OBSL1: variants seen among roughly 807,000 people sequenced by gnomAD.
OBSL1 encodes the protein obscurin-like protein 1.
In OBSL1, 160 loss-of-function variants were observed where a neutral mutation model predicts 172.0. That is an observed-to-expected ratio of 0.93 (90% confidence interval 0.82 to 1.06). The LOEUF (loss-of-function observed/expected upper bound fraction) is 1.06. Ranked by LOEUF, OBSL1 falls within the 50% of genes least tolerant of loss-of-function variation. The pLI, the probability that OBSL1 is intolerant of heterozygous loss-of-function variation, is 0.00. For synonymous variants in OBSL1, 1,200 were observed against 1,196.3 expected (o/e 1.00, Z -0.06); for missense variants, 2,681 against 2,715.4 (o/e 0.99, Z 0.28).
chr2:219,558,293 G>C lies in OBSL1; in HGVS notation c.3393C>G (p.Ala1131=), dbSNP rs564050558. ...VEASDALQLG[A]EGPTRTLTLP... ...GGGTCAGGGTGCGGGTGGGCCCCTCGGCACCCAGCTGCAGGGCATCTGATG... is the reference window on the plus strand; with the variant it reads ...GGGTCAGGGTGCGGGTGGGCCCCTCCGCACCCAGCTGCAGGGCATCTGATG... Residue 1131 remains alanine, a synonymous_variant, in exon 10 of 21, where the codon GCC becomes GCG. Coordinates refer to ENST00000404537, the MANE Select transcript of OBSL1 (RefSeq NM_015311.3). The C allele has an allele frequency of 6.6e-5, 106 of 1,611,748 alleles. 1 individual carries two copies. In the South Asian group the frequency reaches 1.0e-3, roughly 15 times the overall value.
chr2:219,552,117 A>G lies in OBSL1; in HGVS notation c.5408T>C (p.Val1803Ala). 6.2e-7 allele frequency: 1 copy of G among 1,608,718 alleles called. No individual in the cohort carries two copies. Among genetic ancestry groups the G allele is most frequent in the Non-Finnish European group, 8.5e-7 (1 of 1,178,032 alleles). The change falls in exon 19 of 21, where the codon GTG (valine) becomes GCG (alanine). Residue 1803 changes from valine (V) to alanine (A), a missense_variant. Physicochemically the swap from Val to Ala is moderately conservative, Grantham distance 64 (BLOSUM62 0). Around this residue, in one of 5 missense-constraint regions of OBSL1, gnomAD observed 1,765 missense variants for 1,748.3 expected, o/e 1.01. Transcript: ENST00000404537. ...CTCCCACCCCAGGTGCTTACCCTCC[A>G]CTTCCAGTAGAGCCAGGGACTGGGC... is the stretch of plus-strand genomic sequence containing the variant. ...GPAQSLALLE[V>A]EALPLQMCRH...
chr2:219,552,269 G>A (rs1256395832), intron 18 of OBSL1, 53 bp from the exon 19 acceptor site: 1 of 1,503,824 alleles, frequency 6.6e-7, no homozygotes, highest in African/African-American at 1.4e-5. Flanking sequence ...AGGAGCGTTG[G>A]GGACGAAGGT....
chr2:219,552,619 A>C lies in OBSL1; in HGVS notation c.5225T>G (p.Val1742Gly). ...EGDGATFECT[V>G]SEVETTGRWE... ...GCGCCCCGTGGTCTCGACCTCCGAC[A>C]CGGTGCACTCGAACGTAGCGCCGTC... The change falls in exon 18 of 21, where the codon GTG (valine) becomes GGG (glycine). Residue 1742 changes from valine (V) to glycine (G), a missense_variant. By Grantham distance (109) the Val-to-Gly change is moderately radical (BLOSUM62 -3). Transcript: ENST00000404537. 6.4e-7 allele frequency: 1 copy of C among 1,572,022 alleles called. No homozygotes were observed. The highest frequency in any genetic ancestry group is 8.6e-7 in the Non-Finnish European group (1 of 1,165,166).
chr2:219,555,045 C>T (rs1016577359), intron 14 of OBSL1: 3 of 414,814 alleles, frequency 7.2e-6, no homozygotes, highest in African/African-American at 5.9e-5. Context: ...GTCAGACACA[C>T]TAGGAATGGA....
Position 219,552,700 on chromosome 2 carries a change from G to A in OBSL1, c.5147-3C>T, listed in dbSNP as rs1695720090. 1.3e-6 allele frequency: 2 copies of A among 1,521,862 alleles called. No individual in the cohort carries two copies. The highest frequency in any genetic ancestry group is 1.8e-6 in the Non-Finnish European group (2 of 1,134,422). The allele number at this position is 1,521,862 out of a possible 1,614,324, so 94.3% of individuals were successfully genotyped here. On this transcript the variant is annotated splice_region_variant and splice_polypyrimidine_tract_variant and intron_variant, in intron 17 of 20. Transcript: ENST00000404537. ...GGAGAGTACCGCCACAGTACGCTCT[G>A]GGGCGGAGCCCGGGGCGTGAGCGGG...
At position 219,568,472 on chromosome 2, in the gene OBSL1, A is replaced by T. The variant is rs1697098404; in HGVS notation, c.1013-148T>A. 2.5e-5 allele frequency: 20 copies of T among 787,072 alleles called. 2 individuals are homozygous for T. In the South Asian group the frequency reaches 3.7e-4, roughly 15 times the overall value. The allele number at this position is 787,072 out of a possible 1,614,324, so 48.8% of individuals were successfully genotyped here. A position where few individuals can be genotyped will look rare whatever the true frequency, so the allele number is the denominator to read the frequency against. On this transcript the variant is annotated intron_variant, in intron 1 of 20. Transcript: ENST00000404537. The surrounding 1 kb of genome is among the most constrained non-coding windows in gnomAD (Gnocchi z 4.1). ...GAATCACAGAAAACTACCAGAAGGG[A>T]AGTGGTGGTTCCTAAGATGACCTGA...
rs545958359 is a variant in OBSL1, at chr2:219,567,590, G to C, written c.1535-15C>G. Reference sequence around the variant, plus strand: ...GTGCTTGACACCTGAGACCAAGGCAGGGATGTGTTCCGGCCTTGCTTGGGC... The same window carrying C: ...GTGCTTGACACCTGAGACCAAGGCACGGATGTGTTCCGGCCTTGCTTGGGC... On this transcript the variant is annotated splice_polypyrimidine_tract_variant and intron_variant, in intron 3 of 20. Transcript: ENST00000404537. 4 of 1,604,218 alleles carry C rather than the reference G, an allele frequency of 2.5e-6. No individual in the cohort carries two copies. Among genetic ancestry groups the C allele is most frequent in the East Asian group, 4.5e-5 (2 of 44,588 alleles).
chr2:219,555,936 G>T (rs1381845674), intron 14 of OBSL1, 84 bp downstream of exon 14: 20 of 1,538,542 alleles, frequency 1.3e-5, no homozygotes, highest in Middle Eastern at 1.7e-4. Flanking sequence ...GGGCACTTTG[G>T]TGGGGGCCTG....
At chr2:219,570,129 T>C in intron 1 of OBSL1, 92 bp downstream of exon 1, 4 of 1,158,758 alleles carry the variant, frequency 3.5e-6, no homozygotes, top group South Asian at 1.9e-5. Context: ...CCTCCAGTCT[T>C]GGGGGCAGCG....
chr2:219,551,483 C>T (rs1695607311), intron 20 of OBSL1, 46 bp downstream of exon 20: 3 of 1,528,378 alleles, frequency 2.0e-6, no homozygotes, highest in South Asian at 2.5e-5. Context: ...CCATCAGCTC[C>T]CAGGCGCCCT....
At chr2:219,550,959 C>G (rs1043791552) in intron 20 of OBSL1, 117 bp from the exon 21 acceptor site, 7 of 1,538,778 alleles carry the variant, frequency 4.5e-6, no homozygotes, top group African/African-American at 2.7e-5. Context: ...TCTGCCCTAC[C>G]CTTTCTGGGC....
chr2:219,549,108 GGC>G (rs1395452013), downstream of OBSL1: 8 of 1,608,886 alleles, frequency 5.0e-6, no homozygotes, highest in Non-Finnish European at 6.8e-6. Flanking sequence ...AGGGAAACAA[GGC>G]GCACCGTCCT....
chr2:219,563,505 C>G lies in OBSL1; in HGVS notation c.2530G>C (p.Gly844Arg), dbSNP rs776431799. Residue 844 changes from glycine to arginine, a missense_variant, in exon 7 of 21, where the codon GGG becomes CGG. By Grantham distance (125) the Gly-to-Arg change is moderately radical. Around this residue, in one of 5 missense-constraint regions of OBSL1, gnomAD observed 1,765 missense variants for 1,748.3 expected, o/e 1.01. Transcript: ENST00000404537. Reference sequence around the variant, plus strand: ...AAGTCACTCTCCTCCACCTCCTGCCCGTCCTTGTACCAACGCACAGGGGCG... The same window carrying G: ...AAGTCACTCTCCTCCACCTCCTGCCGGTCCTTGTACCAACGCACAGGGGCG... ...EDAPVRWYKD[G>R]QEVEESDFVV... 1.5e-5 allele frequency: 24 copies of G among 1,613,836 alleles called. No individual in the cohort carries two copies. The highest frequency in any genetic ancestry group is 1.6e-5 in the Non-Finnish European group (19 of 1,179,878).
At position 219,556,728 on chromosome 2, in the gene OBSL1, G is replaced by T; in HGVS notation, c.4067-5C>A. The T allele has an allele frequency of 3.1e-6, 5 of 1,596,516 alleles. No individual in the cohort carries two copies. The highest frequency in any genetic ancestry group is 4.3e-6 in the Non-Finnish European group (5 of 1,167,202). Reference sequence around the variant, plus strand: ...CCAGCTTCACCAGCAGTGGCTCTAAGGGGCACGGTAAGGCAGTGAGCTGGG... The same window carrying T: ...CCAGCTTCACCAGCAGTGGCTCTAATGGGCACGGTAAGGCAGTGAGCTGGG... On this transcript the variant is annotated splice_polypyrimidine_tract_variant and splice_region_variant and intron_variant, in intron 12 of 20. Transcript: ENST00000404537.
chr2:219,569,976 G>T (rs1193641883), intron 1 of OBSL1, among the ~76,000 whole-genome samples: 1 of 152,246 alleles, frequency 6.6e-6, no homozygotes, highest in African/African-American at 2.4e-5. Context: ...TCACTCCTTA[G>T]TGGTGTTCCA....
intron 14 of OBSL1, 138 bp from the exon 15 acceptor site, chr2:219,554,878 G>T: frequency 1.0e-6 from 1 of 952,492 alleles, no homozygotes; most frequent in South Asian, 1.8e-5. Flanking sequence ...TCGGAACCAG[G>T]GTGCAGGAAG....
rs1214483288 is a variant in OBSL1 at position 219,567,828 on chromosome 2, C to A, written c.1424G>T (p.Ser475Ile). 6.2e-7 allele frequency: 1 copy of A among 1,613,980 alleles called. No homozygotes were observed. Among genetic ancestry groups the A allele is most frequent in the Non-Finnish European group, 8.5e-7 (1 of 1,179,898 alleles). Residue 475 changes from serine to isoleucine, a missense_variant, in exon 3 of 21, where the codon AGC (serine) becomes ATC (isoleucine). Ser to Ile is a moderately radical substitution (Grantham distance 142). This residue lies in a region of OBSL1 where 706 missense variants were observed against 695.8 expected (regional missense o/e 1.01). Transcript: ENST00000404537. Reference protein sequence around the residue: ...GEELPVICQSSSGHMHALVLP... With the variant: ...GEELPVICQSISGHMHALVLP... ...GACCAGGGCATGCATGTGGCCTGAG[C>A]TGCTCTGGCAGATGACCGGCAGCTC... is the stretch of plus-strand genomic sequence containing the variant.
intron 1 of OBSL1, chr2:219,569,475 T>C (rs993713549): frequency 4.6e-5 from 7 of 152,258 alleles, no homozygotes; most frequent in African/African-American, 1.7e-4. Flanking sequence ...TTTTTTTCCT[T>C]TGGAATTTTC....
In OBSL1 at chr2:219,556,679, C is replaced by T. The variant is rs1266662078; in HGVS notation, c.4111G>A (p.Val1371Ile). The change falls in exon 13 of 21, where the codon GTC becomes ATC. Residue 1371 changes from valine to isoleucine, a missense_variant. Val to Ile is a conservative substitution (Grantham distance 29). Around this residue, in one of 5 missense-constraint regions of OBSL1, gnomAD observed 1,765 missense variants for 1,748.3 expected, o/e 1.01. Coordinates refer to ENST00000404537, the MANE Select transcript of OBSL1 (RefSeq NM_015311.3). Reference protein sequence around the residue: ...KLVSELTPLTVHEGDDATFRC... With the variant: ...KLVSELTPLTIHEGDDATFRC... ...AACGTGGCATCATCGCCCTCGTGGA[C>T]AGTGAGTGGTGTCAGCTCCGAGACC... 1 of 1,610,510 alleles carries T rather than the reference C, an allele frequency of 6.2e-7. No homozygotes were observed. Among genetic ancestry groups the T allele is most frequent in the Non-Finnish European group, 8.5e-7 (1 of 1,176,994 alleles).
Sources: gnomAD v4.1 joint callset for allele counts (sites outside exome capture counted in the v4.1 genomes callset) on GRCh38, gnomAD v4.1.1 for gene constraint, gnomAD v4.1.1 regional missense constraint, Gnocchi (gnomAD v3.1) non-coding constraint, MANE v1.5 for transcripts, NCBI Gene and HGNC (gene_info 2026-07-23, HGNC 2026-07-21) for gene names.